The following FBN2 variants were observed in gnomAD, a reference collection of about 807,000 sequenced individuals.
FBN2 encodes fibrillin 2.
In FBN2, 105 loss-of-function variants were observed where a neutral mutation model predicts 355.6. The ratio of observed to expected loss-of-function variants is 0.30; its 90% CI spans 0.25 to 0.35. FBN2 has a LOEUF of 0.35. FBN2 is among the 10% of genes least tolerant of loss of function. The probability of loss-of-function intolerance (pLI) is 1.00; values close to 1 mark genes in which losing one functional copy is unlikely to be tolerated. For missense variants in FBN2, 3,280 were observed against 3,758.7 expected (o/e 0.87, Z 3.33); for synonymous variants, 1,350 against 1,301.2 (o/e 1.04, Z -0.81).
At chr5:128,295,338 T>G (rs1349298775) in intron 48 of FBN2, among the ~76,000 whole-genome samples, 1 of 151,904 alleles carries the variant, frequency 6.6e-6, no homozygotes, top group African/African-American at 2.4e-5. Context: ...TGGTTCCATA[T>G]GAACTTTAAA....
At chr5:128,271,876 A>T in intron 62 of FBN2, 123 bp downstream of exon 62, 1 of 1,109,602 alleles carries the variant, frequency 9.0e-7, no homozygotes, top group Non-Finnish European at 1.4e-6. Flanking sequence ...AGTCTTAAGG[A>T]CTGGGTTTAA....
At position 128,305,852 on chromosome 5, in the gene FBN2, C is replaced by A; in HGVS notation, c.5519G>T (p.Ser1840Ile). 1 of 1,613,996 alleles carries A rather than the reference C, an allele frequency of 6.2e-7. No homozygotes were observed. Among genetic ancestry groups the A allele is most frequent in the South Asian group, 1.1e-5 (1 of 91,076 alleles). Residue 1840 changes from serine (S) to isoleucine (I), a missense_variant, in exon 43 of 65, where the codon AGT (serine) becomes ATT (isoleucine). This residue lies in a region of FBN2 where 2,284 missense variants were observed against 2,749.5 expected (regional missense o/e 0.83). Transcript: ENST00000262464. ...SFRCECPTGF[S>I]YNDLLLVCED... is the part of the protein sequence containing the mutation. ...ACAAACCAACAGCAGGTCATTGTAA[C>A]TGAATCCTGTAGGGCATTCACAGCG...
Position 128,311,906 on chromosome 5 carries a change from G to A in FBN2, c.4927C>T (p.Pro1643Ser), listed in dbSNP as rs766900532. 1 of 1,610,982 alleles carries A rather than the reference G, an allele frequency of 6.2e-7. No individual in the cohort carries two copies. Among genetic ancestry groups the A allele is most frequent in the East Asian group, 2.2e-5 (1 of 44,846 alleles). ...CPGGEGFRPN[P>S]ITIILEDIDE... is the part of the protein sequence containing the mutation. ...TCACCTTCTAAAATGATTGTGATGG[G>A]GTTAGGTCTGAAGCCTTCACCTCCG... Residue 1643 changes from proline (P) to serine (S), a missense_variant, in exon 38 of 65, where the codon CCC becomes TCC. By Grantham distance (74) the Pro-to-Ser change is moderately conservative. This residue lies in a region of FBN2 where 2,284 missense variants were observed against 2,749.5 expected (regional missense o/e 0.83). Coordinates refer to ENST00000262464, the MANE Select transcript of FBN2 (RefSeq NM_001999.4).
At chr5:128,377,955 T>A in intron 12 of FBN2, 78 bp from the exon 13 acceptor site, 1 of 1,408,588 alleles carries the variant, frequency 7.1e-7, no homozygotes, top group Non-Finnish European at 1.0e-6. Context: ...GAAATGGAAT[T>A]TTAAATATTC....
intron 19 of FBN2, among the ~76,000 whole-genome samples, chr5:128,358,853 T>C (rs1295139933): frequency 1.3e-5 from 2 of 152,058 alleles, no homozygotes; most frequent in African/African-American, 2.4e-5. Context: ...AAAATTTCTA[T>C]TTTAAATTAA....
intron 36 of FBN2, among the ~76,000 whole-genome samples, chr5:128,317,552 A>G (rs916491931): frequency 1.3e-5 from 2 of 152,094 alleles, no homozygotes; most frequent in Non-Finnish European, 2.9e-5. Flanking sequence ...CTTTTTTTGT[A>G]TACTTCCAGA....
chr5:128,292,009 C>T lies in FBN2; in HGVS notation c.6167-355G>A, dbSNP rs889420578. Among the ~76,000 whole-genome samples, 8 of 152,232 alleles carry T rather than the reference C, an allele frequency of 5.3e-5. No individual in the cohort carries two copies. The East Asian group carries it at 1.5e-3, about 29-fold the overall frequency. ...CCCCTTCTCCCTGATAACTCTCTCT[C>T]AGTAATCCAAATTGTGATCCCCATG... is the stretch of plus-strand genomic sequence containing the variant. On this transcript the variant is annotated intron_variant, in intron 48 of 64. Transcript: ENST00000262464.
intron 5 of FBN2, among the ~76,000 whole-genome samples, chr5:128,498,823 T>C (rs1755728197): frequency 1.3e-5 from 2 of 152,210 alleles, no homozygotes; most frequent in Non-Finnish European, 2.9e-5. Context: ...AATCTACAAA[T>C]CTATAATGTA....
At chr5:128,287,889 T>C (rs1268129285) in intron 53 of FBN2, among the ~76,000 whole-genome samples, 1 of 129,382 alleles carries the variant, frequency 7.7e-6, no homozygotes, top group African/African-American at 2.5e-5. Context: ...AGAAATACTA[T>C]TTGTTTTTCA....
intron 8 of FBN2, among the ~76,000 whole-genome samples, chr5:128,406,267 T>C (rs1432646248): frequency 6.6e-6 from 1 of 152,198 alleles, no homozygotes; most frequent in Non-Finnish European, 1.5e-5. Context: ...CACCCACAAA[T>C]TTAATTCCTT....
intron 7 of FBN2, among the ~76,000 whole-genome samples, chr5:128,438,291 C>T (rs1477915270): frequency 6.6e-6 from 1 of 152,256 alleles, no homozygotes; most frequent in African/African-American, 2.4e-5. Context: ...CCGTGCCCGG[C>T]TACATTCACC....
chr5:128,530,211 A>G (rs1756665230), intron 3 of FBN2, among the ~76,000 whole-genome samples: 1 of 152,206 alleles, frequency 6.6e-6, no homozygotes, highest in Non-Finnish European at 1.5e-5. Context: ...ATGTGAAGCA[A>G]AATAGGTCCA....
chr5:128,461,276 A>G (rs531487350), intron 6 of FBN2, among the ~76,000 whole-genome samples: 2 of 152,350 alleles, frequency 1.3e-5, no homozygotes, highest in Admixed American at 6.5e-5. Context: ...TGATCATCAG[A>G]TAAATGCAAA....
intron 5 of FBN2, among the ~76,000 whole-genome samples, chr5:128,480,165 AAT>A (rs1220876916): frequency 1.4e-5 from 2 of 143,682 alleles, no homozygotes; most frequent in African/African-American, 5.1e-5. Context: ...TCACAGAGAG[AAT>A]ATATATATTA....
At chr5:128,429,134 T>C (rs1402116134) in intron 7 of FBN2, among the ~76,000 whole-genome samples, 1 of 152,190 alleles carries the variant, frequency 6.6e-6, no homozygotes, top group Non-Finnish European at 1.5e-5. Flanking sequence ...CCTTTCCAGG[T>C]GTGAGTCAGG....
intron 50 of FBN2, 21 bp from the exon 51 acceptor site, chr5:128,289,968 T>A (rs1313288120): frequency 6.8e-7 from 1 of 1,470,684 alleles, no homozygotes; most frequent in African/African-American, 1.4e-5. Context: ...AAATACAAAT[T>A]CTCCATTATT....
chr5:128,347,765 C>T (rs1751223238), intron 23 of FBN2, among the ~76,000 whole-genome samples: 1 of 144,330 alleles, frequency 6.9e-6, no homozygotes, highest in Non-Finnish European at 1.5e-5. Flanking sequence ...AATATATCAT[C>T]TTAGAATATT....
At chr5:128,511,666 T>G (rs1190935215) in intron 5 of FBN2, among the ~76,000 whole-genome samples, 1 of 152,140 alleles carries the variant, frequency 6.6e-6, no homozygotes, top group Non-Finnish European at 1.5e-5. Context: ...AAAGAGCTAT[T>G]CTAGAGGAAT....
chr5:128,360,848 G>C (rs1014626841), intron 19 of FBN2, among the ~76,000 whole-genome samples: 1 of 151,330 alleles, frequency 6.6e-6, no homozygotes, highest in Non-Finnish European at 1.5e-5. Context: ...TAAAAAAAAA[G>C]GGCTATTCCA....
Sources: allele counts gnomAD v4.1 joint callset (sites outside exome capture counted in the v4.1 genomes callset), GRCh38; gene constraint gnomAD v4.1.1; regional missense constraint gnomAD v4.1.1; transcripts MANE v1.5; gene names NCBI Gene and HGNC (gene_info 2026-07-23, HGNC 2026-07-21).